Variants in ARHGAP32 observed in about 807,000 individuals in gnomAD.
ARHGAP32 encodes rho GTPase-activating protein 32.
ARHGAP32 carries 51 observed loss-of-function variants against 186.5 expected under a neutral mutation model. That is an observed-to-expected ratio of 0.27 (90% CI 0.22 to 0.35). ARHGAP32 has a LOEUF of 0.35. Among genes scored for constraint, ARHGAP32 ranks in the 10% least tolerant of loss-of-function variants. ARHGAP32 has a pLI of 1.00. For synonymous variants in ARHGAP32, 950 were observed against 964.3 expected (o/e 0.99, Z 0.27); for missense variants, 2,186 against 2,623.5 (o/e 0.83, Z 3.64).
chr11:129,193,576 AT>A (rs1397738639), upstream of ARHGAP32, among the ~76,000 whole-genome samples: 17 of 1,904 alleles, frequency 8.9e-3, no homozygotes, highest in East Asian at 0.027. Context: ...TATAATATAT[AT>A]ATATTATATA....
intron 2 of ARHGAP32, among the ~76,000 whole-genome samples, chr11:129,158,171 C>T (rs768476431): frequency 9.2e-5 from 14 of 152,098 alleles, no homozygotes; most frequent in Non-Finnish European, 1.6e-4. Context: ...CATCAACTAA[C>T]GGGCAAAATA....
rs561456133 is a variant in ARHGAP32 at position 129,005,242 on chromosome 11, AT to A, written c.1046-6775del. On this transcript the variant is annotated intron_variant, in intron 11 of 22. Coordinates refer to ENST00000682385, the MANE Select transcript of ARHGAP32 (RefSeq NM_001378024.1). ...GTCTACATCTTGAAAAGTTCTAGTT[AT>A]TATTTTTTATTGGTTTATCATTTAG... Among the ~76,000 whole-genome samples the A allele has an allele frequency of 2.0e-3, 298 of 152,120 alleles. 2 individuals are homozygous for A. Among genetic ancestry groups the A allele is most frequent in the Non-Finnish European group, 1.7e-3 (115 of 67,966 alleles).
chr11:129,049,273 G>A (rs956615272), intron 10 of ARHGAP32, among the ~76,000 whole-genome samples: 1 of 152,130 alleles, frequency 6.6e-6, no homozygotes, highest in Non-Finnish European at 1.5e-5. Context: ...AGGAAGGACA[G>A]TATATGAATG....
intron 1 of ARHGAP32, among the ~76,000 whole-genome samples, chr11:129,227,421 C>G (rs575423508): frequency 3.1e-4 from 46 of 150,794 alleles, no homozygotes; most frequent in Admixed American, 6.0e-4. Context: ...TATCAGTAAC[C>G]ACATTAAATG....
chr11:129,226,960 A>T (rs1307708305), intron 1 of ARHGAP32, among the ~76,000 whole-genome samples: 1 of 152,118 alleles, frequency 6.6e-6, no homozygotes, highest in Non-Finnish European at 1.5e-5. Context: ...CTACATAGGT[A>T]AGTATGAATG....
chr11:129,011,471 G>C (rs1938076161), intron 11 of ARHGAP32, among the ~76,000 whole-genome samples: 2 of 152,276 alleles, frequency 1.3e-5, no homozygotes, highest in South Asian at 2.1e-4. Flanking sequence ...TAAACAGAGA[G>C]TTAAGGAACA....
intron 15 of ARHGAP32, among the ~76,000 whole-genome samples, chr11:128,985,301 A>C (rs1290218621): frequency 6.6e-6 from 1 of 152,168 alleles, no homozygotes; most frequent in East Asian, 1.9e-4. Flanking sequence ...TACAGGTGTA[A>C]GCCATGGCGC....
intron 11 of ARHGAP32, among the ~76,000 whole-genome samples, chr11:129,023,576 G>A (rs991197911): frequency 2.0e-5 from 3 of 152,086 alleles, no homozygotes; most frequent in Non-Finnish European, 4.4e-5. Context: ...CAAGAAATAA[G>A]CTGATTGGAA....
At chr11:129,025,159 G>A (rs1486812170) in intron 11 of ARHGAP32, among the ~76,000 whole-genome samples, 1 of 152,078 alleles carries the variant, frequency 6.6e-6, no homozygotes, top group Admixed American at 6.5e-5. Context: ...TCTAATGAAG[G>A]CAGTTCTATT....
At chr11:129,055,643 T>A (rs929325474) in intron 10 of ARHGAP32, among the ~76,000 whole-genome samples, 1 of 152,190 alleles carries the variant, frequency 6.6e-6, no homozygotes, top group Admixed American at 6.5e-5. Flanking sequence ...CAGAGGAACC[T>A]TAAATGCATA....
At chr11:129,064,499 A>T (rs1940621817) in intron 8 of ARHGAP32, among the ~76,000 whole-genome samples, 1 of 152,166 alleles carries the variant, frequency 6.6e-6, no homozygotes, top group African/African-American at 2.4e-5. Context: ...GGACCCTTTA[A>T]AAAGTTGTCC....
At chr11:129,210,930 G>A (rs1944571613) in intron 1 of ARHGAP32, among the ~76,000 whole-genome samples, 1 of 152,170 alleles carries the variant, frequency 6.6e-6, no homozygotes, top group African/African-American at 2.4e-5. Context: ...AACTGCACGG[G>A]ACTGCTGCAC....
At chr11:129,097,122 A>T (rs1941751838) in intron 5 of ARHGAP32, among the ~76,000 whole-genome samples, 1 of 152,156 alleles carries the variant, frequency 6.6e-6, no homozygotes, top group Non-Finnish European at 1.5e-5. Flanking sequence ...AAAAAAAAAA[A>T]AATCACAAGG....
intron 11 of ARHGAP32, among the ~76,000 whole-genome samples, chr11:129,004,245 C>CTTTTTTTTTTTTTTTTTTTTT (rs71057919): frequency 8.6e-6 from 1 of 116,384 alleles, no homozygotes; most frequent in African/African-American, 3.3e-5. Context: ...CAATGCTTTC[C>CTTTTTTTTTTTTTTTTTTTTT]TTTTTTTTTT....
chr11:129,155,295 A>G (rs2135463013), intron 2 of ARHGAP32, among the ~76,000 whole-genome samples: 1 of 152,338 alleles, frequency 6.6e-6, no homozygotes, highest in Non-Finnish European at 1.5e-5. Flanking sequence ...TTACCAATAC[A>G]TATACATAGG....
intron 2 of ARHGAP32, among the ~76,000 whole-genome samples, chr11:129,133,005 T>C (rs541166927): frequency 1.3e-5 from 2 of 152,328 alleles, no homozygotes; most frequent in South Asian, 4.1e-4. Flanking sequence ...AGGGGTTTAG[T>C]TGGTTCACGA....
Position 128,966,977 on chromosome 11 carries a change from C to G in ARHGAP32, c.*1930G>C, listed in dbSNP as rs1945235711. 6.6e-6 allele frequency: 1 copy of G among 152,212 alleles called. No individual in the cohort carries two copies. Among genetic ancestry groups the G allele is most frequent in the East Asian group, 1.9e-4 (1 of 5,204 alleles). The allele number at this position is 152,212 out of a possible 1,614,324, so 9.4% of individuals were successfully genotyped here. A position where few individuals can be genotyped will look rare whatever the true frequency, so the allele number is the denominator to read the frequency against. ...CCTATCAGGTTTCCTAGCACTTTGACTGTAAAACAGTTGGTTCTGCACTTT... is the reference window on the plus strand; with the variant it reads ...CCTATCAGGTTTCCTAGCACTTTGAGTGTAAAACAGTTGGTTCTGCACTTT... On this transcript the variant is annotated 3_prime_UTR_variant, in exon 23 of 23. Transcript: ENST00000682385.
At chr11:129,093,732 G>T in intron 5 of ARHGAP32, 25 bp from the exon 6 acceptor site, 2 of 1,504,092 alleles carry the variant, frequency 1.3e-6, no homozygotes, top group East Asian at 2.3e-5. Context: ...AAAAAGAAGA[G>T]GGGGAAAGAA....
intron 1 of ARHGAP32, among the ~76,000 whole-genome samples, chr11:129,217,227 CCT>C (rs1591702174): frequency 1.3e-5 from 2 of 152,078 alleles, no homozygotes; most frequent in Admixed American, 6.6e-5. Flanking sequence ...CTAAATTCAC[CCT>C]GTCTGATATC....
Sources: allele counts gnomAD v4.1 joint callset (sites outside exome capture counted in the v4.1 genomes callset), GRCh38; gene constraint gnomAD v4.1.1; transcripts MANE v1.5; gene names NCBI Gene and HGNC (gene_info 2026-07-23, HGNC 2026-07-21).